Variants in ACYP2 observed in about 807,000 individuals in gnomAD.
The protein encoded by ACYP2 is acylphosphatase-2.
Under a neutral mutation model 11.2 loss-of-function variants are expected in ACYP2, and 12 were observed. The ratio of observed to expected loss-of-function variants is 1.08; its 90% CI spans 0.69 to 1.74. The LOEUF is 1.74. Among genes scored for constraint, ACYP2 ranks in the 40% most tolerant of loss-of-function variants. The pLI is 0.00. For synonymous variants in ACYP2, 43 were observed against 32.2 expected (o/e 1.33, Z -1.13); for missense variants, 134 against 101.9 (o/e 1.31, Z -1.35).
At chr2:54,072,104 C>T (rs912461790) in intron 4 of ACYP2, among the ~76,000 whole-genome samples, 2 of 152,026 alleles carry the variant, frequency 1.3e-5, no homozygotes, top group African/African-American at 4.8e-5. Flanking sequence ...AATTAAAATA[C>T]TTAGGAGTGA....
At chr2:54,249,755 A>C (rs769518018) in intron 6 of ACYP2, among the ~76,000 whole-genome samples, 3 of 152,028 alleles carry the variant, frequency 2.0e-5, no homozygotes, top group Non-Finnish European at 4.4e-5. Context: ...AGCTTGGGCA[A>C]CACAGTGAGA....
chr2:54,154,753 G>C lies in ACYP2; in HGVS notation c.404+16005G>C, dbSNP rs531682209. Among the ~76,000 whole-genome samples the C allele has an allele frequency of 2.0e-5, 3 of 152,224 alleles. No homozygotes were observed. In the East Asian group the frequency reaches 5.8e-4, roughly 29 times the overall value. Reference sequence around the variant, plus strand: ...AATTTTCTTTTCTCATAATGTTCTTGTCTGGCTTTGGTATCAAGGTAATGC... The same window carrying C: ...AATTTTCTTTTCTCATAATGTTCTTCTCTGGCTTTGGTATCAAGGTAATGC... On this transcript the variant is annotated intron_variant, in intron 6 of 6. Coordinates refer to ENST00000607452, the MANE Select transcript of ACYP2 (RefSeq NM_001320586.2).
At chr2:54,012,640 C>G (rs1673436342) in intron 2 of ACYP2, among the ~76,000 whole-genome samples, 1 of 152,114 alleles carries the variant, frequency 6.6e-6, no homozygotes, top group Non-Finnish European at 1.5e-5. Context: ...CTGGTGACTC[C>G]TCTATCCTCA....
At chr2:54,270,899 A>ATCTG (rs1558658885) in intron 6 of ACYP2, among the ~76,000 whole-genome samples, 1 of 152,220 alleles carries the variant, frequency 6.6e-6, no homozygotes, top group Non-Finnish European at 1.5e-5. Flanking sequence ...TGTATAATAT[A>ATCTG]TATCTAAATC....
intron 6 of ACYP2, among the ~76,000 whole-genome samples, chr2:54,186,753 A>T (rs1473946191): frequency 6.6e-6 from 1 of 152,110 alleles, no homozygotes; most frequent in Admixed American, 6.6e-5. Context: ...ACCTCAGGTG[A>T]TCCACCTGCC....
chr2:54,143,765 G>GGT (rs1553380135), intron 6 of ACYP2, among the ~76,000 whole-genome samples: 1 of 125,690 alleles, frequency 8.0e-6, no homozygotes, highest in East Asian at 2.5e-4. Flanking sequence ...TTTGGGGGGG[G>GGT]GGTATTCTAT....
chr2:54,164,539 G>T (rs994168552), intron 6 of ACYP2, among the ~76,000 whole-genome samples: 3 of 152,176 alleles, frequency 2.0e-5, no homozygotes, highest in African/African-American at 4.8e-5. Flanking sequence ...AGGAAATACA[G>T]TAAGGAAGAG....
At chr2:53,979,361 G>T (rs2104508785) in intron 2 of ACYP2, among the ~76,000 whole-genome samples, 1 of 152,176 alleles carries the variant, frequency 6.6e-6, no homozygotes, top group East Asian at 1.9e-4. Flanking sequence ...GGGTCTGGTG[G>T]CTCACGCTTG....
chr2:53,987,235 G>T (rs1392546164), intron 2 of ACYP2, among the ~76,000 whole-genome samples: 3 of 151,946 alleles, frequency 2.0e-5, no homozygotes, highest in African/African-American at 7.3e-5. Context: ...GTTATGTCCT[G>T]TTTCTCCATC....
rs147156409 is a variant in ACYP2 at position 54,107,592 on chromosome 2, A to G, written c.278-27861A>G. Among the ~76,000 whole-genome samples the G allele has an allele frequency of 1.9e-3, 288 of 152,324 alleles. 2 individuals carry two copies. Among genetic ancestry groups the G allele is most frequent in the African/African-American group, 6.5e-3 (272 of 41,578 alleles). On this transcript the variant is annotated intron_variant, in intron 4 of 6. Coordinates refer to ENST00000607452, the MANE Select transcript of ACYP2 (RefSeq NM_001320586.2). ...TCCATTCCAGACAGTTTAAACAGAA[A>G]TTGTTTAACACTGGGCATTAAATGG...
intron 6 of ACYP2, among the ~76,000 whole-genome samples, chr2:54,187,307 C>T (rs758935600): frequency 8.5e-5 from 13 of 152,174 alleles, no homozygotes; most frequent in Admixed American, 2.0e-4. Flanking sequence ...ATGTCATTGG[C>T]GTGATCCATG....
intron 2 of ACYP2, among the ~76,000 whole-genome samples, chr2:54,005,530 G>T (rs1673019908): frequency 6.6e-6 from 1 of 152,046 alleles, no homozygotes; most frequent in African/African-American, 2.4e-5. Flanking sequence ...AGTAGAGACG[G>T]GTTTTGCCAT....
At chr2:54,098,108 A>G (rs954487916) in intron 4 of ACYP2, among the ~76,000 whole-genome samples, 1 of 151,668 alleles carries the variant, frequency 6.6e-6, no homozygotes, top group Non-Finnish European at 1.5e-5. Flanking sequence ...TATTATAGGC[A>G]CGTGCTATCA....
intron 2 of ACYP2, among the ~76,000 whole-genome samples, chr2:53,974,309 G>C (rs1460924296): frequency 1.3e-5 from 2 of 152,168 alleles, no homozygotes; most frequent in Non-Finnish European, 2.9e-5. Context: ...AGAGAATGTG[G>C]AGTCATTGAC....
intron 6 of ACYP2, among the ~76,000 whole-genome samples, chr2:54,263,436 C>A (rs1687866242): frequency 6.6e-6 from 1 of 152,170 alleles, no homozygotes; most frequent in Non-Finnish European, 1.5e-5. Flanking sequence ...GGACAAATAT[C>A]CAACCATATC....
At chr2:54,255,224 C>T (rs781509168) in intron 6 of ACYP2, 3 of 1,614,204 alleles carry the variant, frequency 1.9e-6, no homozygotes, top group East Asian at 2.2e-5. Flanking sequence ...TACACCTTTA[C>T]AATCAGCTTG....
chr2:54,126,242 G>T (rs745777021), intron 4 of ACYP2, among the ~76,000 whole-genome samples: 2 of 152,286 alleles, frequency 1.3e-5, no homozygotes, highest in African/African-American at 4.8e-5. Flanking sequence ...AGTCACATAG[G>T]TGTAACAGTT....
chr2:54,124,748 T>C (rs1226631114), intron 4 of ACYP2, among the ~76,000 whole-genome samples: 1 of 152,240 alleles, frequency 6.6e-6, no homozygotes. Flanking sequence ...TCACCCAGGC[T>C]AGAGTGCAGC....
At chr2:54,074,025 T>C (rs986016546) in intron 4 of ACYP2, among the ~76,000 whole-genome samples, 12 of 152,164 alleles carry the variant, frequency 7.9e-5, no homozygotes, top group Admixed American at 2.0e-4. Context: ...GCAATTCCAC[T>C]GCTAGGTATA....
Sources: allele counts gnomAD v4.1 joint callset (sites outside exome capture counted in the v4.1 genomes callset), GRCh38; gene constraint gnomAD v4.1.1; transcripts MANE v1.5; gene names NCBI Gene and HGNC (gene_info 2026-07-23, HGNC 2026-07-21).